DOCK8: variants seen among roughly 807,000 people sequenced by gnomAD.
DOCK8 encodes the protein dedicator of cytokinesis protein 8.
DOCK8 carries 141 observed loss-of-function variants against 245.6 expected under a neutral mutation model. The ratio of observed to expected loss-of-function variants is 0.57; its 90% CI spans 0.50 to 0.66. DOCK8 has a LOEUF of 0.66. Ranked by LOEUF, DOCK8 falls within the 30% of genes least tolerant of loss-of-function variation. DOCK8 has a pLI of 0.00. For missense variants in DOCK8, 2,965 were observed against 2,603.4 expected (o/e 1.14, Z -3.02); for synonymous variants, 1,168 against 970.2 (o/e 1.20, Z -3.79).
At chr9:316,491 A>G (rs2050352503) in intron 6 of DOCK8, among the ~76,000 whole-genome samples, 1 of 152,204 alleles carries the variant, frequency 6.6e-6, no homozygotes, top group Non-Finnish European at 1.5e-5. Flanking sequence ...CTCTAACTGC[A>G]TAAGCCTGTC....
At chr9:429,972 A>G in intron 36 of DOCK8, 118 bp downstream of exon 36, 1 of 1,258,468 alleles carries the variant, frequency 7.9e-7, no homozygotes, top group Non-Finnish European at 1.1e-6. Context: ...CTGTCCTGTG[A>G]GAAAGAAACA....
At chr9:259,712 A>G (rs529156304) in intron 1 of DOCK8, among the ~76,000 whole-genome samples, 2 of 152,204 alleles carry the variant, frequency 1.3e-5, no homozygotes, top group Non-Finnish European at 2.9e-5. Context: ...CAATCCTAAT[A>G]ATCAGTAAGT....
chr9:446,270 CG>C (rs1256828139), intron 43 of DOCK8, 99 bp from the exon 44 acceptor site: 1 of 977,772 alleles, frequency 1.0e-6, no homozygotes, highest in Non-Finnish European at 1.7e-6. Context: ...CTGGGCAGGG[CG>C]GTGCCGGCAC....
At chr9:288,016 C>G (rs1315051514) in intron 3 of DOCK8, among the ~76,000 whole-genome samples, 1 of 147,228 alleles carries the variant, frequency 6.8e-6, no homozygotes, top group Admixed American at 6.7e-5. Flanking sequence ...TCTTACAAAA[C>G]AAAAACAAAA....
At chr9:355,910 T>C (rs995329593) in intron 14 of DOCK8, among the ~76,000 whole-genome samples, 2 of 152,204 alleles carry the variant, frequency 1.3e-5, no homozygotes, top group Non-Finnish European at 2.9e-5. Context: ...TTGCAGGCTG[T>C]CTGAAATGTT....
chr9:359,298 C>G (rs1004085435), intron 14 of DOCK8, among the ~76,000 whole-genome samples: 1 of 152,126 alleles, frequency 6.6e-6, no homozygotes, highest in African/African-American at 2.4e-5. Context: ...CTTCAGAGCA[C>G]CTGGATTTGA....
chr9:304,547 T>C (rs1362910650), intron 4 of DOCK8, 34 bp from the exon 5 acceptor site: 1 of 1,613,538 alleles, frequency 6.2e-7, no homozygotes, highest in East Asian at 2.2e-5. Flanking sequence ...TCTCTCCCTC[T>C]TTCTCTCTCC....
At chr9:391,252 C>G (rs2054180332) in intron 24 of DOCK8, among the ~76,000 whole-genome samples, 1 of 152,214 alleles carries the variant, frequency 6.6e-6, no homozygotes. Context: ...CCACCTAATA[C>G]TGTAATATAT....
intron 9 of DOCK8, among the ~76,000 whole-genome samples, chr9:331,746 T>C (rs931290362): frequency 2.0e-5 from 3 of 152,242 alleles, no homozygotes; most frequent in Non-Finnish European, 4.4e-5. Context: ...TTCATTCTTA[T>C]TACCAGCATT....
intron 14 of DOCK8, among the ~76,000 whole-genome samples, chr9:348,713 G>C (rs2052018949): frequency 6.6e-6 from 1 of 152,170 alleles, no homozygotes; most frequent in Non-Finnish European, 1.5e-5. Context: ...CTATACTTTT[G>C]TTAGTTTTAC....
In DOCK8 at chr9:464,145, TTTC is replaced by T. The variant is rs546247187; in HGVS notation, c.6240-11_6240-9del. On this transcript the variant is annotated splice_polypyrimidine_tract_variant and intron_variant, in intron 47 of 47. Transcript: ENST00000432829. ...CTCTCTTTCCCTCTCCTCCCTCTCTTTTCTTAATTTCAGGGACTCCTTCCACAG... is the reference window on the plus strand; with the variant it reads ...CTCTCTTTCCCTCTCCTCCCTCTCTTTTAATTTCAGGGACTCCTTCCACAG... The T allele has an allele frequency of 7.2e-5, 116 of 1,609,446 alleles. No individual in the cohort carries two copies. In the African/African-American group the frequency reaches 1.3e-3, roughly 18 times the overall value.
intron 23 of DOCK8, 100 bp downstream of exon 23, chr9:386,526 C>T: frequency 1.0e-6 from 1 of 1,000,954 alleles, no homozygotes; most frequent in Non-Finnish European, 1.5e-6. Flanking sequence ...TGCTCCCCTG[C>T]CTGTCCCTGA....
intron 1 of DOCK8, among the ~76,000 whole-genome samples, chr9:265,571 A>G (rs2048017933): frequency 6.6e-6 from 1 of 152,194 alleles, no homozygotes; most frequent in Non-Finnish European, 1.5e-5. Context: ...GATTCAGGAA[A>G]ACCTCAAGAG....
At chr9:313,546 A>G (rs970464203) in intron 6 of DOCK8, among the ~76,000 whole-genome samples, 1 of 152,196 alleles carries the variant, frequency 6.6e-6, no homozygotes, top group African/African-American at 2.4e-5. Flanking sequence ...TCACTTATAT[A>G]TAGAATCTAA....
chr9:373,445 A>G (rs2131231098), intron 18 of DOCK8, among the ~76,000 whole-genome samples: 1 of 152,290 alleles, frequency 6.6e-6, no homozygotes, highest in African/African-American at 2.4e-5. Flanking sequence ...CAAATTTTTA[A>G]TTATCCCACT....
At chr9:275,829 TC>T (rs1275676259) in intron 2 of DOCK8, among the ~76,000 whole-genome samples, 44 of 151,526 alleles carry the variant, frequency 2.9e-4, no homozygotes, top group Non-Finnish European at 5.0e-4. Context: ...CCTCAAGTGA[TC>T]CACCCACCTC....
At chr9:297,375 A>T (rs1358192456) in intron 4 of DOCK8, among the ~76,000 whole-genome samples, 2 of 152,184 alleles carry the variant, frequency 1.3e-5, no homozygotes, top group Non-Finnish European at 2.9e-5. Flanking sequence ...CTGTCTTTAA[A>T]GAGAACACTC....
At chr9:439,222 G>C in intron 39 of DOCK8, 23 bp from the exon 40 acceptor site, 1 of 1,614,094 alleles carries the variant, frequency 6.2e-7, no homozygotes, top group Non-Finnish European at 8.5e-7. Flanking sequence ...TGTTCTCCAG[G>C]CTTATACTGT....
At chr9:355,370 A>AT (rs2052386653) in intron 14 of DOCK8, among the ~76,000 whole-genome samples, 1 of 151,682 alleles carries the variant, frequency 6.6e-6, no homozygotes, top group Non-Finnish European at 1.5e-5. Flanking sequence ...CGCCCAGCTT[A>AT]TTTTTTGTAT....
Sources: allele counts gnomAD v4.1 joint callset (sites outside exome capture counted in the v4.1 genomes callset), GRCh38; gene constraint gnomAD v4.1.1; transcripts MANE v1.5; gene names NCBI Gene and HGNC (gene_info 2026-07-23, HGNC 2026-07-21).